The following CDH12 variants were observed in gnomAD, a reference collection of about 807,000 sequenced individuals.
CDH12 encodes cadherin 12.
A neutral mutation model predicts 74.1 loss-of-function variants in CDH12; 41 were observed. The ratio of observed to expected loss-of-function variants is 0.55; its 90% CI spans 0.43 to 0.72. The LOEUF is 0.72. CDH12 is among the 30% of genes least tolerant of loss of function. The pLI is 0.00. For synonymous variants in CDH12, 399 were observed against 355.0 expected (o/e 1.12, Z -1.39); for missense variants, 945 against 977.2 (o/e 0.97, Z 0.44).
intron 1 of CDH12, among the ~76,000 whole-genome samples, chr5:22,826,103 T>C (rs1736310195): frequency 6.6e-6 from 1 of 152,164 alleles, no homozygotes; most frequent in Non-Finnish European, 1.5e-5. Flanking sequence ...TCTTATCTTG[T>C]AGCTGCCATA....
chr5:22,674,092 G>C (rs1362026172), intron 1 of CDH12, among the ~76,000 whole-genome samples: 1 of 152,116 alleles, frequency 6.6e-6, no homozygotes, highest in African/African-American at 2.4e-5. Flanking sequence ...AACACACAGA[G>C]GCCCTTATCT....
chr5:22,219,776 C>T (rs1751947526), intron 3 of CDH12, among the ~76,000 whole-genome samples: 1 of 151,582 alleles, frequency 6.6e-6, no homozygotes, highest in African/African-American at 2.4e-5. Context: ...GGGCTCGTTG[C>T]TTCACATTTG....
chr5:22,587,328 C>T (rs1206356823), intron 1 of CDH12, among the ~76,000 whole-genome samples: 7 of 152,076 alleles, frequency 4.6e-5, no homozygotes, highest in Non-Finnish European at 1.0e-4. Flanking sequence ...CCTTGGCCTT[C>T]CCAGAACACC....
intron 3 of CDH12, among the ~76,000 whole-genome samples, chr5:22,366,025 C>T (rs1426174916): frequency 6.6e-6 from 1 of 152,132 alleles, no homozygotes; most frequent in African/African-American, 2.4e-5. Flanking sequence ...GTGGTGCGAT[C>T]TTGGCTCACT....
chr5:22,044,730 A>G (rs1428285619), intron 5 of CDH12, among the ~76,000 whole-genome samples: 3 of 152,200 alleles, frequency 2.0e-5, no homozygotes, highest in Admixed American at 2.0e-4. Context: ...GTTTTCAATA[A>G]ACAGTACTGG....
chr5:22,842,788 C>T (rs765021448), intron 1 of CDH12, among the ~76,000 whole-genome samples: 3 of 151,922 alleles, frequency 2.0e-5, no homozygotes, highest in East Asian at 1.9e-4. Context: ...AATATTTTTG[C>T]GATTAGTCAT....
At chr5:21,838,611 T>G (rs1037217774) in intron 8 of CDH12, among the ~76,000 whole-genome samples, 1 of 152,048 alleles carries the variant, frequency 6.6e-6, no homozygotes, top group Non-Finnish European at 1.5e-5. Context: ...ATCCTCTACA[T>G]TTTTTGCAAG....
chr5:22,536,189 G>C (rs545254318), intron 1 of CDH12, among the ~76,000 whole-genome samples: 2 of 152,230 alleles, frequency 1.3e-5, no homozygotes, highest in African/African-American at 2.4e-5. Flanking sequence ...AGTGTGCTTT[G>C]GGTTCACTTT....
At chr5:22,501,535 T>G (rs1736144483) in intron 2 of CDH12, among the ~76,000 whole-genome samples, 1 of 152,140 alleles carries the variant, frequency 6.6e-6, no homozygotes, top group African/African-American at 2.4e-5. Context: ...TCTGTGTAGA[T>G]GATGAATCAT....
At chr5:22,677,545 C>T (rs554870562) in intron 1 of CDH12, among the ~76,000 whole-genome samples, 22 of 152,012 alleles carry the variant, frequency 1.4e-4, no homozygotes, top group Admixed American at 1.2e-3. Flanking sequence ...AAGCCCTCAC[C>T]TCCTAATATT....
At chr5:22,210,652 A>G (rs1751476939) in intron 4 of CDH12, among the ~76,000 whole-genome samples, 1 of 152,062 alleles carries the variant, frequency 6.6e-6, no homozygotes, top group Non-Finnish European at 1.5e-5. Context: ...CAATGGACGT[A>G]CTCTGGTCAG....
At chr5:22,168,744 G>T (rs573451077) in intron 4 of CDH12, among the ~76,000 whole-genome samples, 1 of 149,832 alleles carries the variant, frequency 6.7e-6, no homozygotes, top group Admixed American at 6.7e-5. Flanking sequence ...GAGTTATGTT[G>T]TACAATGTCT....
intron 5 of CDH12, among the ~76,000 whole-genome samples, chr5:22,009,953 A>AG (rs1427635627): frequency 7.9e-5 from 12 of 151,150 alleles, no homozygotes; most frequent in African/African-American, 2.9e-4. Context: ...AAAAAAAAAA[A>AG]AAAAAAGAAA....
chr5:22,054,533 C>T (rs1383187629), intron 5 of CDH12, among the ~76,000 whole-genome samples: 2 of 152,032 alleles, frequency 1.3e-5, no homozygotes, highest in Admixed American at 6.6e-5. Context: ...AAAGAAACTT[C>T]CCACTGAGAA....
intron 2 of CDH12, among the ~76,000 whole-genome samples, chr5:22,436,829 C>G (rs1744416253): frequency 6.6e-6 from 1 of 151,976 alleles, no homozygotes; most frequent in Admixed American, 6.6e-5. Context: ...AGGTCGTTAC[C>G]CTTTAGCCAA....
intron 4 of CDH12, among the ~76,000 whole-genome samples, chr5:22,124,901 T>C (rs1418284080): frequency 6.6e-6 from 1 of 152,218 alleles, no homozygotes; most frequent in Non-Finnish European, 1.5e-5. Context: ...CCAGTTATAA[T>C]TCTATTACTG....
intron 8 of CDH12, among the ~76,000 whole-genome samples, chr5:21,830,199 C>CAAAAAAAAAAAAAAAAA (rs1055199877): frequency 1.2e-4 from 3 of 25,250 alleles, no homozygotes; most frequent in African/African-American, 3.6e-4. Flanking sequence ...AACTCCTTCT[C>CAAAAAAAAAAAAAAAAA]AAAAAAAAAA....
Position 21,765,104 on chromosome 5 carries a change from T to TA in CDH12, c.1394-6dup. 1 of 1,545,774 alleles carries TA rather than the reference T, an allele frequency of 6.5e-7. No homozygotes were observed. ...TGCTGGTCAATAAAGGGTTACCTGT[T>TA]AAAAACATATAAAGATAAAAGATGA... On this transcript the variant is annotated splice_polypyrimidine_tract_variant and splice_region_variant and intron_variant, in intron 11 of 14. Coordinates refer to ENST00000382254, the MANE Select transcript of CDH12 (RefSeq NM_004061.5).
chr5:22,218,671 T>C (rs1418413010), intron 3 of CDH12, among the ~76,000 whole-genome samples: 1 of 151,682 alleles, frequency 6.6e-6, no homozygotes, highest in Non-Finnish European at 1.5e-5. Context: ...CAGGTGTATA[T>C]ATGTGTCAAA....
Sources: allele counts gnomAD v4.1 joint callset (sites outside exome capture counted in the v4.1 genomes callset), GRCh38; gene constraint gnomAD v4.1.1; transcripts MANE v1.5; gene names NCBI Gene and HGNC (gene_info 2026-07-23, HGNC 2026-07-21).